Variants in VPS13C observed in about 807,000 individuals in gnomAD.
VPS13C encodes the protein vacuolar protein sorting 13 homolog C.
VPS13C carries 358 observed loss-of-function variants against 456.8 expected under a neutral mutation model. That is an observed-to-expected ratio of 0.78 (90% CI 0.72 to 0.86). VPS13C has a LOEUF of 0.86. Ranked by LOEUF, VPS13C falls within the 40% of genes least tolerant of loss-of-function variation. The pLI is 0.00. For synonymous variants in VPS13C, 1,578 were observed against 1,486.7 expected, an observed-to-expected ratio of 1.06 and a Z score of -1.41; for missense variants, 4,818 against 4,385.4, an observed-to-expected ratio of 1.10 and a Z score of -2.79.
At chr15:61,961,394 A>AACACACACACACAC (rs66786972) in intron 35 of VPS13C, among the ~76,000 whole-genome samples, 195 bp downstream of exon 35, 3 of 132,614 alleles carry the variant, frequency 2.3e-5, no homozygotes, top group East Asian at 2.3e-4. Flanking sequence ...TCCAACTCAA[A>AACACACACACACAC]ACACACACAC....
At chr15:62,051,374 C>T (rs796823676) in intron 1 of VPS13C, among the ~76,000 whole-genome samples, 5 of 152,248 alleles carry the variant, frequency 3.3e-5, no homozygotes, top group African/African-American at 1.2e-4. Context: ...TCACAGCCTC[C>T]TGGGCAAGAA....
intron 4 of VPS13C, among the ~76,000 whole-genome samples, chr15:62,034,547 C>G (rs2047920606): frequency 6.6e-6 from 1 of 151,550 alleles, no homozygotes; most frequent in Non-Finnish European, 1.5e-5. Context: ...AGAACATTCA[C>G]TCAAAATCAG....
rs538169927 is a variant in VPS13C at position 62,043,652 on chromosome 15, T to A, written c.144+560A>T. On this transcript the variant is annotated intron_variant, in intron 2 of 84. Transcript: ENST00000644861. ...TAAAAGGTTGGAAGCCGGAAAAAAA[T>A]TAATTAAACAATAAACTCATTAAGT... Among the ~76,000 whole-genome samples, 8 of 152,032 alleles carry A rather than the reference T, an allele frequency of 5.3e-5. No homozygotes were observed. In the South Asian group the frequency reaches 1.5e-3, roughly 28 times the overall value.
chr15:61,906,463 C>G (rs2043154356), intron 66 of VPS13C, among the ~76,000 whole-genome samples: 1 of 152,196 alleles, frequency 6.6e-6, no homozygotes, highest in Non-Finnish European at 1.5e-5. Context: ...TACCTTCTCT[C>G]TAGTATCTAC....
rs763365598 is a variant in VPS13C, at chr15:62,023,455, C to T, written c.580G>A (p.Val194Ile). The T allele has an allele frequency of 3.2e-6, 5 of 1,578,348 alleles. 1 individual carries two copies. Among genetic ancestry groups the T allele is most frequent in the Middle Eastern group, 3.5e-4 (2 of 5,692 alleles). ...TGAATATCTGTGATTTTTACTTGTA[C>T]ATTTTTTATTACTTGAGTTGCCAAT... ...EKLATQVIKN[V>I]QVKITDIHIK... is the part of the protein sequence containing the mutation. The change falls in exon 8 of 85, where the codon GTA (valine) becomes ATA (isoleucine). Residue 194 changes from valine (V) to isoleucine (I), a missense_variant. Val to Ile is a conservative substitution (Grantham distance 29). Around this residue, in one of 3 missense-constraint regions of VPS13C, gnomAD observed 4,552 missense variants for 4,130.6 expected, o/e 1.10. Coordinates refer to ENST00000644861, the MANE Select transcript of VPS13C (RefSeq NM_020821.3).
chr15:62,038,046 T>C (rs1200214760), intron 3 of VPS13C, among the ~76,000 whole-genome samples: 1 of 152,114 alleles, frequency 6.6e-6, no homozygotes, highest in Non-Finnish European at 1.5e-5. Context: ...AAAAGTGATA[T>C]AGCGTAATAG....
At chr15:61,950,508 C>T (rs565375102) in intron 40 of VPS13C, 91 bp from the exon 41 acceptor site, 9 of 962,512 alleles carry the variant, frequency 9.4e-6, no homozygotes, top group South Asian at 3.1e-5. Context: ...TCTAAGTATG[C>T]TATTAAAAGA....
chr15:61,958,746 A>G (rs764489410), intron 36 of VPS13C, 30 bp from the exon 37 acceptor site: 6 of 1,196,538 alleles, frequency 5.0e-6, no homozygotes, highest in East Asian at 2.6e-5. Context: ...AAAAAAAACT[A>G]TATTACGTTT....
At chr15:62,012,746 G>A (rs576513658) in intron 11 of VPS13C, among the ~76,000 whole-genome samples, 6 of 151,754 alleles carry the variant, frequency 4.0e-5, no homozygotes, top group East Asian at 1.9e-4. Flanking sequence ...ATATCAGAAT[G>A]TGACAAGAAT....
rs3784445 is a variant in VPS13C, at chr15:62,023,275, G to A, written c.624+136C>T. 0.49 allele frequency: 214,329 copies of A among 437,962 alleles called. 55,422 individuals carry two copies. Among genetic ancestry groups the A allele is most frequent in the Admixed American group, 0.59 (13,765 of 23,300 alleles). 27.1% of individuals were successfully genotyped at this position (437,962 alleles called of 1,614,324 possible). A position where few individuals can be genotyped will look rare whatever the true frequency, so the allele number is the denominator to read the frequency against. ...CCAATAAAACGAGGCTAACACAAGAGGATATGGTAGTGTACTCATAAGAAA... is the reference window on the plus strand; with the variant it reads ...CCAATAAAACGAGGCTAACACAAGAAGATATGGTAGTGTACTCATAAGAAA... On this transcript the variant is annotated intron_variant, in intron 8 of 84. Coordinates refer to ENST00000644861, the MANE Select transcript of VPS13C (RefSeq NM_020821.3).
chr15:62,051,981 T>C (rs923263609), intron 1 of VPS13C, among the ~76,000 whole-genome samples: 1 of 152,234 alleles, frequency 6.6e-6, no homozygotes, highest in Non-Finnish European at 1.5e-5. Flanking sequence ...GAAATTAAAG[T>C]CTAAAGAGAT....
rs896920745 is a variant in VPS13C, at chr15:62,028,756, T to C, written c.386-336A>G. 3.3e-5 allele frequency among the ~76,000 whole-genome samples: 5 copies of C among 152,096 alleles called. No homozygotes were observed. In the East Asian group the frequency reaches 9.6e-4, roughly 29 times the overall value. The stretch of plus-strand genomic sequence containing the variant: ...AAAATCCACTATTTTGGTTCTCTTT[T>C]TGCATGCCATTTTGTCCATTTTCAG... On this transcript the variant is annotated intron_variant, in intron 5 of 84. Coordinates refer to ENST00000644861, the MANE Select transcript of VPS13C (RefSeq NM_020821.3).
Position 61,854,578 on chromosome 15 carries a change from T to C in VPS13C, c.11161-20A>G. ...TGCTCTCTGTAAAGTAAAATACTTATTATGAATTTTAAAGACAAGTATAGG... is the reference window on the plus strand; with the variant it reads ...TGCTCTCTGTAAAGTAAAATACTTACTATGAATTTTAAAGACAAGTATAGG... On this transcript the variant is annotated intron_variant, in intron 84 of 84. Coordinates refer to ENST00000644861, the MANE Select transcript of VPS13C (RefSeq NM_020821.3). 1.2e-6 allele frequency: 2 copies of C among 1,608,168 alleles called. No homozygotes were observed. Among genetic ancestry groups the C allele is most frequent in the South Asian group, 1.1e-5 (1 of 90,964 alleles).
Position 61,972,762 on chromosome 15 carries a change from A to C in VPS13C, c.2620T>G (p.Ser874Ala), listed in dbSNP as rs756765960. 18 of 1,606,474 alleles carry C rather than the reference A, an allele frequency of 1.1e-5. No individual in the cohort carries two copies. In the East Asian group the frequency reaches 3.8e-4, roughly 34 times the overall value. ...TCAGCATCAAAATACTCATCATCAG[A>C]CTCTAAAGGAAAAAGACATTTATTT... ...SLLLDTVESESDDEYFDAEDG... is the reference protein window; with the variant it reads ...SLLLDTVESEADDEYFDAEDG... The change falls in exon 27 of 85, where the codon TCT becomes GCT. Residue 874 changes from serine (S) to alanine (A), a missense_variant and splice_region_variant. Around this residue, in one of 3 missense-constraint regions of VPS13C, gnomAD observed 4,552 missense variants for 4,130.6 expected, o/e 1.10. Coordinates refer to ENST00000644861, the MANE Select transcript of VPS13C (RefSeq NM_020821.3).
intron 53 of VPS13C, among the ~76,000 whole-genome samples, chr15:61,923,283 T>C (rs770554768): frequency 1.1e-4 from 16 of 152,142 alleles, no homozygotes; most frequent in Non-Finnish European, 2.2e-4. Flanking sequence ...CAGCTCTCCT[T>C]TGACTTACCC....
At position 61,869,181 on chromosome 15, in the gene VPS13C, G is replaced by A. The variant is rs7164970; in HGVS notation, c.10748+319C>T. ...TGCCCAGGCTGGAGTGCAGTGGCAC[G>A]ATCTCAGCTCACTGCAACCTCCGCC... On this transcript the variant is annotated intron_variant, in intron 80 of 84. Transcript: ENST00000644861. Among the ~76,000 whole-genome samples the A allele has an allele frequency of 5.8e-3, 838 of 145,130 alleles. 7 individuals are homozygous for A. Among genetic ancestry groups the A allele is most frequent in the African/African-American group, 0.021 (794 of 38,612 alleles).
Position 61,973,470 on chromosome 15 carries a change from T to TG in VPS13C, c.2600_2601insC (p.Asp868ArgfsTer8). The TG allele has an allele frequency of 6.2e-7, 1 of 1,611,972 alleles. No individual in the cohort carries two copies. The highest frequency in any genetic ancestry group is 8.5e-7 in the Non-Finnish European group (1 of 1,178,330). ...TTTCCTTACCTGATTCCACAGTGTC[T>TG]AGCAATAGTGAAGTACCAAGTAGAC... On this transcript the variant is annotated frameshift_variant, in exon 26 of 85. Transcript: ENST00000644861. LOFTEE classifies it high-confidence loss of function.
intron 51 of VPS13C, among the ~76,000 whole-genome samples, chr15:61,928,553 GA>G (rs1281997902): frequency 7.2e-5 from 11 of 152,286 alleles, no homozygotes; most frequent in Non-Finnish European, 1.5e-5. Context: ...ACATTAGAGA[GA>G]AAAATATCTG....
rs1596389319 is a variant in VPS13C, at chr15:61,962,844, A to G, written c.3340T>C (p.Ser1114Pro). 1 of 1,595,088 alleles carries G rather than the reference A, an allele frequency of 6.3e-7. No homozygotes were observed. The change falls in exon 33 of 85, where the codon TCC becomes CCC. Residue 1114 changes from serine to proline, a missense_variant. Ser to Pro is a moderately conservative substitution (Grantham distance 74, BLOSUM62 -1). This residue lies in a region of VPS13C where 4,552 missense variants were observed against 4,130.6 expected (regional missense o/e 1.10). Coordinates refer to ENST00000644861, the MANE Select transcript of VPS13C (RefSeq NM_020821.3). ...IAEIKIQGLD[S>P]SLSLQSRKQS... The stretch of plus-strand genomic sequence containing the variant: ...TTTCTTGACTGGAGAGAAAGGGAGG[A>G]ATCCAGTCCTGAAAAAAAGAGTGTA...
Sources: gnomAD v4.1 joint callset for allele counts (sites outside exome capture counted in the v4.1 genomes callset) on GRCh38, gnomAD v4.1.1 for gene constraint, gnomAD v4.1.1 regional missense constraint, MANE v1.5 for transcripts, NCBI Gene and HGNC (gene_info 2026-07-23, HGNC 2026-07-21) for gene names.